The following APBA3 variants were observed in gnomAD, a reference collection of about 807,000 sequenced individuals.
The protein encoded by APBA3 is amyloid-beta A4 precursor protein-binding family A member 3.
APBA3 carries 45 observed loss-of-function variants against 55.9 expected under a neutral mutation model. The observed-to-expected ratio is 0.80, with a 90% CI of 0.63 to 1.03. APBA3 has a LOEUF of 1.03. Ranked by LOEUF, APBA3 falls within the 50% of genes least tolerant of loss-of-function variation. The pLI, the probability that APBA3 is intolerant of heterozygous loss-of-function variation, is 0.00. For missense variants in APBA3, 865 were observed against 820.3 expected (o/e 1.05, Z -0.67); for synonymous variants, 370 against 353.3 (o/e 1.05, Z -0.53).
At position 3,753,798 on chromosome 19, in the gene APBA3, G is replaced by A. The variant is rs1339292689; in HGVS notation, c.978C>T (p.Tyr326=). The A allele has an allele frequency of 3.2e-6, 5 of 1,571,792 alleles. No individual in the cohort carries two copies. In the South Asian group the frequency reaches 4.6e-5, roughly 15 times the overall value. Residue 326 remains tyrosine (Y), a synonymous_variant, in exon 6 of 11, where the codon TAC becomes TAT. Transcript: ENST00000316757. ...PAPQDHGRRL[Y]KMLCHVFYAE... is the part of the protein sequence containing the mutation. Reference sequence around the variant, plus strand: ...CGTAGAATACGTGGCAGAGCATCTTGTAGAGGCGGCGGCCGTGGTCCTGGG... The same window carrying A: ...CGTAGAATACGTGGCAGAGCATCTTATAGAGGCGGCGGCCGTGGTCCTGGG...
intron 1 of APBA3, among the ~76,000 whole-genome samples, chr19:3,760,912 T>C (rs1489787075): frequency 6.6e-6 from 1 of 151,542 alleles, no homozygotes; most frequent in African/African-American, 2.4e-5. Context: ...GGCCCTGTCT[T>C]AAAAAAAACA....
chr19:3,754,279 C>G lies in APBA3; in HGVS notation c.678G>C (p.Leu226=). The stretch of plus-strand genomic sequence containing the variant: ...GTTCCGACACCAGCTGGGTGGACCC[C>G]AGGTACCTGGCCCCAAATATGACAC... The part of the protein sequence containing the change: ...LDGVIFGARY[L]GSTQLVSERN... The change falls in exon 4 of 11, where the codon CTG becomes CTC. Residue 226 remains leucine, a synonymous_variant. Coordinates refer to ENST00000316757, the MANE Select transcript of APBA3 (RefSeq NM_004886.4). The G allele has an allele frequency of 1.3e-6, 2 of 1,551,456 alleles. No homozygotes were observed. Among genetic ancestry groups the G allele is most frequent in the South Asian group, 2.4e-5 (2 of 84,034 alleles).
chr19:3,754,155 G>A (rs2037046886), intron 4 of APBA3, 40 bp downstream of exon 4: 4 of 1,549,134 alleles, frequency 2.6e-6, no homozygotes, highest in Admixed American at 2.0e-5. Context: ...CCAGCCTGCA[G>A]CCCACCCGCC....
intron 1 of APBA3, 42 bp from the exon 2 acceptor site, chr19:3,760,343 AGT>A: frequency 7.5e-7 from 1 of 1,326,636 alleles, no homozygotes; most frequent in Non-Finnish European, 1.0e-6. Flanking sequence ...GCCCGGGTGC[AGT>A]GGCTCATGCC....
At chr19:3,759,528 A>G in intron 3 of APBA3, 33 bp downstream of exon 3, 1 of 1,576,946 alleles carries the variant, frequency 6.3e-7, no homozygotes, top group Non-Finnish European at 8.6e-7. Context: ...AGGGGCCTTC[A>G]GTGCCTGAGG....
intron 1 of APBA3, 111 bp from the exon 2 acceptor site, chr19:3,760,412 A>C (rs1599178299): frequency 1.5e-6 from 1 of 678,092 alleles, no homozygotes; most frequent in East Asian, 2.8e-5. Context: ...GGAGTTCAAG[A>C]TCAGCCTGGG....
chr19:3,760,278 G>C lies in APBA3; in HGVS notation c.-14C>G, dbSNP rs1165048057. On this transcript the variant is annotated 5_prime_UTR_variant, in exon 2 of 11. Coordinates refer to ENST00000316757, the MANE Select transcript of APBA3 (RefSeq NM_004886.4). ...GGGGAAGTCCATGCCTGGACTCCAGGCTTAGGCCGGCATCTTCAGGCAGCT... is the reference window on the plus strand; with the variant it reads ...GGGGAAGTCCATGCCTGGACTCCAGCCTTAGGCCGGCATCTTCAGGCAGCT... 1 of 1,576,252 alleles carries C rather than the reference G, an allele frequency of 6.3e-7. No homozygotes were observed. Among genetic ancestry groups the C allele is most frequent in the Admixed American group, 1.9e-5 (1 of 52,270 alleles).
chr19:3,754,334 C>G lies in APBA3; in HGVS notation c.623G>C (p.Gly208Ala). The part of the protein sequence containing the change: ...ASYPAPQEVP[G>A]PCDHEDLLDG... ...CAGGAGGTCTTCATGGTCACAGGGA[C>G]CAGGCACTGAGGGCGACAGCGAAGA... is the stretch of plus-strand genomic sequence containing the variant. The change falls in exon 4 of 11, where the codon GGT becomes GCT. Residue 208 changes from glycine (G) to alanine (A), a missense_variant. Transcript: ENST00000316757. The G allele has an allele frequency of 6.4e-7, 1 of 1,558,962 alleles. No homozygotes were observed.
chr19:3,761,469 G>C (rs534797981), intron 1 of APBA3, 67 bp downstream of exon 1: 1 of 152,724 alleles, frequency 6.5e-6, no homozygotes, highest in Non-Finnish European at 1.5e-5. Flanking sequence ...CCAGACCCTA[G>C]TCCCCCCTCA....
chr19:3,757,561 G>T lies in APBA3; in HGVS notation c.616+2000C>A, dbSNP rs75218126. On this transcript the variant is annotated intron_variant, in intron 3 of 10. Transcript: ENST00000316757. ...AGCCTGACCAAGACGGTGAAACGCC[G>T]TCTCTACTAAAAATATAAAAATTAG... is the stretch of plus-strand genomic sequence containing the variant. Among the ~76,000 whole-genome samples, 1,309 of 152,232 alleles carry T rather than the reference G, an allele frequency of 8.6e-3. 17 individuals carry two copies. Among genetic ancestry groups the T allele is most frequent in the African/African-American group, 0.03 (1,259 of 41,532 alleles).
At position 3,760,165 on chromosome 19, in the gene APBA3, CA is replaced by C; in HGVS notation, c.99del (p.Asp34ThrfsTer99). 6.2e-7 allele frequency: 1 copy of C among 1,613,344 alleles called. No homozygotes were observed. Among genetic ancestry groups the C allele is most frequent in the South Asian group, 1.1e-5 (1 of 91,084 alleles). On this transcript the variant is annotated frameshift_variant, in exon 2 of 11. Transcript: ENST00000316757. LOFTEE classifies it high-confidence loss of function. ...DILVPSEDLT[P>X]DSQWDPMPGG... is the part of the protein sequence containing the mutation. The stretch of plus-strand genomic sequence containing the variant: ...CCTGGCATAGGGTCCCACTGGCTGT[CA>C]GGGGTGAGGTCCTCCGAAGGCACAA...
At position 3,753,867 on chromosome 19, in the gene APBA3, C is replaced by G. The variant is rs778518140; in HGVS notation, c.909G>C (p.Val303=). The G allele has an allele frequency of 7.0e-6, 11 of 1,565,982 alleles. No homozygotes were observed. The South Asian group carries it at 1.3e-4, about 18-fold the overall frequency. The part of the protein sequence containing the change: ...TISYTADIGC[V]LVLMARRRLA... ...GCCGCCGCCGCGCCATCAGCACCAG[C>G]ACGCAGCCGATGTCGGCTGTGTAGG... Residue 303 remains valine, a synonymous_variant, in exon 6 of 11, where the codon GTG becomes GTC. Coordinates refer to ENST00000316757, the MANE Select transcript of APBA3 (RefSeq NM_004886.4).
chr19:3,758,147 G>C (rs989945373), intron 3 of APBA3, among the ~76,000 whole-genome samples: 2 of 152,128 alleles, frequency 1.3e-5, no homozygotes, highest in African/African-American at 4.8e-5. Context: ...TGTTGGCCAG[G>C]CTGGTCTCGA....
chr19:3,751,014 G>A lies in APBA3; in HGVS notation c.*12C>T, dbSNP rs1365320939. 6.4e-7 allele frequency: 1 copy of A among 1,556,440 alleles called. No individual in the cohort carries two copies. The highest frequency in any genetic ancestry group is 1.9e-5 in the Admixed American group (1 of 51,488). On this transcript the variant is annotated 3_prime_UTR_variant, in exon 11 of 11. Coordinates refer to ENST00000316757, the MANE Select transcript of APBA3 (RefSeq NM_004886.4). ...GAGGCGAAGGCACAGTGGCAGGCAA[G>A]GGATGAGGTGGTCACAGGTACACGG...
Position 3,759,934 on chromosome 19 carries a change from C to T in APBA3, c.331G>A (p.Asp111Asn). 1.2e-6 allele frequency: 2 copies of T among 1,610,640 alleles called. No homozygotes were observed. Among genetic ancestry groups the T allele is most frequent in the East Asian group, 2.2e-5 (1 of 44,876 alleles). ...GLLSAEAGRD[D>N]LLGLLHCEEC... The stretch of plus-strand genomic sequence containing the variant: ...TCGCAGTGCAAGAGGCCCAGCAGGT[C>T]ATCCCGGCCAGCTTCGGCAGACAGG... Residue 111 changes from aspartate to asparagine, a missense_variant, in exon 2 of 11, where the codon GAC becomes AAC. Coordinates refer to ENST00000316757, the MANE Select transcript of APBA3 (RefSeq NM_004886.4).
At chr19:3,753,680 A>AG (rs1448992324) in intron 6 of APBA3, 85 bp downstream of exon 6, 3 of 1,256,934 alleles carry the variant, frequency 2.4e-6, no homozygotes, top group Non-Finnish European at 3.2e-6. Flanking sequence ...TATGGGAGGG[A>AG]GGTTAAATGC....
At chr19:3,756,744 A>T (rs2037083730) in intron 3 of APBA3, 1 of 151,980 alleles carries the variant, frequency 6.6e-6, no homozygotes, top group Non-Finnish European at 1.5e-5. Context: ...AAAAAAAGTT[A>T]TTTCACCTGT....
At position 3,759,734 on chromosome 19, in the gene APBA3, C is replaced by T. The variant is rs745915959; in HGVS notation, c.531G>A (p.Glu177=). 9.3e-6 allele frequency: 15 copies of T among 1,612,746 alleles called. No homozygotes were observed. Among genetic ancestry groups the T allele is most frequent in the Middle Eastern group, 1.7e-4 (1 of 6,058 alleles). The stretch of plus-strand genomic sequence containing the variant: ...CTTCAGGTGTGACTAGAGGCACCGT[C>T]TCCAGCCAGGGTTCCGGGGAACTGC... ...SSSSSPEPWL[E]TVPLVTPEEP... The change falls in exon 2 of 11, where the codon GAG becomes GAA. Residue 177 remains glutamate (E), a synonymous_variant. Coordinates refer to ENST00000316757, the MANE Select transcript of APBA3 (RefSeq NM_004886.4).
At chr19:3,754,497 C>G in intron 3 of APBA3, 157 bp from the exon 4 acceptor site, 1 of 998,682 alleles carries the variant, frequency 1.0e-6, no homozygotes, top group Non-Finnish European at 1.4e-6. Context: ...CTAGAACCAT[C>G]CAAGCAGCCT....
Sources: gnomAD v4.1 joint callset for allele counts (sites outside exome capture counted in the v4.1 genomes callset) on GRCh38, gnomAD v4.1.1 for gene constraint, MANE v1.5 for transcripts, NCBI Gene and HGNC (gene_info 2026-07-23, HGNC 2026-07-21) for gene names.